Variants in PCDHA8 observed in about 807,000 individuals in gnomAD.
The protein encoded by PCDHA8 is protocadherin alpha 8.
Under a neutral mutation model 61.8 loss-of-function variants are expected in PCDHA8, and 53 were observed. The ratio of observed to expected loss-of-function variants is 0.86; its 90% CI spans 0.69 to 1.08. PCDHA8 has a LOEUF of 1.08. PCDHA8 is among the 50% of genes least tolerant of loss of function. The probability of loss-of-function intolerance (pLI) is 0.00; values close to 1 mark genes in which losing one functional copy is unlikely to be tolerated. For synonymous variants in PCDHA8, 618 were observed against 556.6 expected, an observed-to-expected ratio of 1.11 and a Z score of -1.55; for missense variants, 1,293 against 1,245.0, an observed-to-expected ratio of 1.04 and a Z score of -0.58.
chr5:140,899,544 T>A (rs925092249), intron 1 of PCDHA8, among the ~76,000 whole-genome samples: 11 of 152,202 alleles, frequency 7.2e-5, no homozygotes, highest in Non-Finnish European at 1.5e-5. Context: ...TTGATCATGG[T>A]GGATAAGCTT....
At chr5:140,965,538 A>G (rs1554227750) in intron 1 of PCDHA8, among the ~76,000 whole-genome samples, 1 of 151,958 alleles carries the variant, frequency 6.6e-6, no homozygotes, top group Non-Finnish European at 1.5e-5. Flanking sequence ...TGGAATCCAA[A>G]TTCCAGCCTG....
intron 1 of PCDHA8, among the ~76,000 whole-genome samples, chr5:140,960,335 G>T (rs1362472967): frequency 1.3e-5 from 2 of 152,148 alleles, no homozygotes; most frequent in African/African-American, 4.8e-5. Context: ...AGAAGTACAT[G>T]AGGTGAGATA....
intron 3 of PCDHA8, among the ~76,000 whole-genome samples, chr5:141,000,775 C>G (rs919489031): frequency 5.3e-5 from 8 of 151,752 alleles, no homozygotes; most frequent in African/African-American, 1.9e-4. Context: ...GGCATAGTGG[C>G]GCACACCTGT....
At chr5:140,953,413 C>T (rs965115726) in intron 1 of PCDHA8, among the ~76,000 whole-genome samples, 1 of 152,120 alleles carries the variant, frequency 6.6e-6, no homozygotes, top group Non-Finnish European at 1.5e-5. Context: ...GCTCCTGGCT[C>T]CTCCCCTTTG....
At chr5:140,927,905 C>T in intron 1 of PCDHA8, 3 of 1,614,210 alleles carry the variant, frequency 1.9e-6, no homozygotes, top group Non-Finnish European at 2.5e-6. Context: ...GATCATGCCC[C>T]CGAACTGGAC....
intron 1 of PCDHA8, among the ~76,000 whole-genome samples, chr5:140,951,145 TG>T (rs1554219754): frequency 9.9e-6 from 1 of 100,698 alleles, no homozygotes; most frequent in African/African-American, 4.8e-5. Flanking sequence ...TTTATCTTAT[TG>T]AATATAGTTA....
intron 2 of PCDHA8, among the ~76,000 whole-genome samples, chr5:140,981,822 G>A (rs1229465317): frequency 6.6e-6 from 1 of 151,926 alleles, no homozygotes; most frequent in Non-Finnish European, 1.5e-5. Flanking sequence ...ATCTCTGCTT[G>A]CCTCTAAAGG....
chr5:140,884,053 C>G (rs782043806), intron 1 of PCDHA8: 1 of 1,613,496 alleles, frequency 6.2e-7, no homozygotes, highest in Admixed American at 1.7e-5. Context: ...CGAAGGTGCG[C>G]GCGGTGGACG....
chr5:140,895,281 A>C (rs2064944456), intron 1 of PCDHA8, among the ~76,000 whole-genome samples: 1 of 152,118 alleles, frequency 6.6e-6, no homozygotes, highest in South Asian at 2.1e-4. Context: ...GGATAATTGA[A>C]TTAGGACCTT....
intron 1 of PCDHA8, chr5:140,851,686 TGA>T: frequency 1.1e-6 from 1 of 926,568 alleles, no homozygotes; most frequent in Non-Finnish European, 1.3e-6. Context: ...CTCCATTCAG[TGA>T]TAAAATGATC....
At chr5:140,922,427 G>A (rs1407931624) in intron 1 of PCDHA8, among the ~76,000 whole-genome samples, 2 of 152,212 alleles carry the variant, frequency 1.3e-5, no homozygotes, top group Middle Eastern at 3.4e-3. Context: ...AGAGGCTGAG[G>A]GCAGAACTCT....
chr5:140,879,740 T>G (rs1337276853), intron 1 of PCDHA8, among the ~76,000 whole-genome samples: 1 of 152,200 alleles, frequency 6.6e-6, no homozygotes, highest in East Asian at 1.9e-4. Flanking sequence ...ATCAAGGTGT[T>G]GTCAAGGCTA....
At chr5:140,872,769 T>C (rs1463790803) in intron 1 of PCDHA8, among the ~76,000 whole-genome samples, 2 of 152,184 alleles carry the variant, frequency 1.3e-5, no homozygotes, top group African/African-American at 2.4e-5. Flanking sequence ...TAGGGCTATA[T>C]TATCTATAAT....
At chr5:140,882,457 G>A (rs781908788) in intron 1 of PCDHA8, 2 of 1,613,938 alleles carry the variant, frequency 1.2e-6, no homozygotes, top group East Asian at 2.2e-5. Flanking sequence ...TGCCGCGCCT[G>A]TTCCGGGTGG....
At position 140,841,325 on chromosome 5, in the gene PCDHA8, G is replaced by T; in HGVS notation, c.4G>T (p.Asp2Tyr). Residue 2 changes from aspartate to tyrosine, a missense_variant, in exon 1 of 4, where the codon GAT becomes TAT. Coordinates refer to ENST00000531613, the MANE Select transcript of PCDHA8 (RefSeq NM_018911.3). Reference protein sequence around the residue: MDYHWRGELGSW... With the variant: MYYHWRGELGSW... ...TGATAGGAAACGACTATTTAACATG[G>T]ATTATCACTGGCGAGGAGAGCTGGG... 1 of 1,608,154 alleles carries T rather than the reference G, an allele frequency of 6.2e-7. No individual in the cohort carries two copies. Among genetic ancestry groups the T allele is most frequent in the Non-Finnish European group, 8.5e-7 (1 of 1,176,610 alleles).
intron 3 of PCDHA8, among the ~76,000 whole-genome samples, chr5:140,982,882 C>CAGAGA (rs1353974224): frequency 6.6e-6 from 1 of 151,972 alleles, no homozygotes; most frequent in African/African-American, 2.4e-5. Context: ...CCAAGCCATG[C>CAGAGA]AGAGAAGATC....
chr5:140,927,453 G>T, intron 1 of PCDHA8: 3 of 1,614,168 alleles, frequency 1.9e-6, no homozygotes, highest in Non-Finnish European at 2.5e-6. Context: ...AGTTGGTGTT[G>T]GAGAAAGCAC....
At chr5:140,930,785 A>G (rs1485024316) in intron 1 of PCDHA8, among the ~76,000 whole-genome samples, 1 of 152,248 alleles carries the variant, frequency 6.6e-6, no homozygotes, top group Admixed American at 6.5e-5. Context: ...TTTTCACAAT[A>G]TAATAGAATC....
intron 1 of PCDHA8, among the ~76,000 whole-genome samples, chr5:140,907,345 G>A (rs568376480): frequency 3.3e-5 from 5 of 152,296 alleles, no homozygotes; most frequent in East Asian, 1.9e-4. Flanking sequence ...GCATGAGCCC[G>A]CTGCTGCACT....
Sources: gnomAD v4.1 joint callset for allele counts (sites outside exome capture counted in the v4.1 genomes callset) on GRCh38, gnomAD v4.1.1 for gene constraint, MANE v1.5 for transcripts, NCBI Gene and HGNC (gene_info 2026-07-23, HGNC 2026-07-21) for gene names.